The following PRELID2 variants were observed in gnomAD, a reference collection of about 807,000 sequenced individuals.
PRELID2 encodes PRELI domain containing 2.
In PRELID2, 25 loss-of-function variants were observed where a neutral mutation model predicts 28.4. The ratio of observed to expected loss-of-function variants is 0.88; its 90% confidence interval spans 0.64 to 1.23. The LOEUF (loss-of-function observed/expected upper bound fraction) is 1.23. Among genes scored for constraint, PRELID2 ranks in the 50% most tolerant of loss-of-function variants. The probability of loss-of-function intolerance (pLI) is 0.00; values close to 1 mark genes in which losing one functional copy is unlikely to be tolerated. For missense variants in PRELID2, 201 were observed against 214.4 expected, an observed-to-expected ratio of 0.94 and a Z score of 0.39; for synonymous variants, 76 against 71.6, an observed-to-expected ratio of 1.06 and a Z score of -0.31.
chr5:145,787,089 T>C (rs1364899864), intron 5 of PRELID2, among the ~76,000 whole-genome samples: 1 of 152,070 alleles, frequency 6.6e-6, no homozygotes, highest in African/African-American at 2.4e-5. Context: ...GTGGCTGAAA[T>C]AACAAATTAT....
chr5:145,515,946 T>C (rs1752511977), intron 1 of PRELID2, among the ~76,000 whole-genome samples: 1 of 152,116 alleles, frequency 6.6e-6, no homozygotes, highest in African/African-American at 2.4e-5. Context: ...AACAATTCTT[T>C]ATGCTAAAAA....
the PRELID2 span, among the ~76,000 whole-genome samples, chr5:145,232,166 A>G: frequency 6.6e-6 from 1 of 152,104 alleles, no homozygotes; most frequent in Non-Finnish European, 1.5e-5. Context: ...GCATTCCCAG[A>G]GTACAGAAAG....
At chr5:145,297,205 C>T in the PRELID2 span, among the ~76,000 whole-genome samples, 1 of 151,934 alleles carries the variant, frequency 6.6e-6, no homozygotes, top group Admixed American at 6.6e-5. Flanking sequence ...AATTAGATCC[C>T]ATTTGTCAAT....
intron 1 of PRELID2, among the ~76,000 whole-genome samples, chr5:145,709,266 G>A (rs1755626376): frequency 6.6e-6 from 1 of 152,130 alleles, no homozygotes; most frequent in South Asian, 2.1e-4. Flanking sequence ...ACCTCTCTTA[G>A]GAAGGGACCC....
At chr5:145,696,931 G>C (rs1050514233) in intron 1 of PRELID2, among the ~76,000 whole-genome samples, 1 of 150,214 alleles carries the variant, frequency 6.7e-6, no homozygotes, top group Non-Finnish European at 1.5e-5. Flanking sequence ...GGTAATAAAG[G>C]CTGGAAGAAG....
the PRELID2 span, among the ~76,000 whole-genome samples, chr5:145,416,155 G>C: frequency 6.6e-6 from 1 of 151,890 alleles, no homozygotes; most frequent in Non-Finnish European, 1.5e-5. Flanking sequence ...AAATTTGTTT[G>C]AGTTCATTGT....
the PRELID2 span, among the ~76,000 whole-genome samples, chr5:145,305,234 A>T: frequency 6.6e-6 from 1 of 152,200 alleles, no homozygotes. Context: ...AGTAGATATG[A>T]TAATGTAAAA....
At chr5:145,606,073 A>G (rs1041800034) in intron 1 of PRELID2, among the ~76,000 whole-genome samples, 2 of 151,916 alleles carry the variant, frequency 1.3e-5, no homozygotes, top group Non-Finnish European at 2.9e-5. Context: ...CAGCTTGGAC[A>G]TTGTTGATAT....
chr5:145,626,399 A>G (rs1167840435), intron 1 of PRELID2, among the ~76,000 whole-genome samples: 1 of 152,166 alleles, frequency 6.6e-6, no homozygotes, highest in Admixed American at 6.6e-5. Context: ...AAAGCATACC[A>G]GCAGCCAACA....
intron 1 of PRELID2, among the ~76,000 whole-genome samples, chr5:145,689,986 C>CTTTTT (rs749912789): frequency 1.7e-5 from 2 of 114,898 alleles, no homozygotes; most frequent in African/African-American, 6.6e-5. Flanking sequence ...CTGTGGGGGT[C>CTTTTT]TTTTTTTTTT....
At chr5:145,313,109 T>C in the PRELID2 span, among the ~76,000 whole-genome samples, 2 of 152,176 alleles carry the variant, frequency 1.3e-5, no homozygotes. Context: ...AAGCTCTCAA[T>C]AATTCTGATG....
chr5:145,276,728 G>A, the PRELID2 span, among the ~76,000 whole-genome samples: 2 of 152,058 alleles, frequency 1.3e-5, no homozygotes, highest in Admixed American at 1.3e-4. Flanking sequence ...TTTCATATCT[G>A]ACAGTATGGT....
At chr5:145,542,771 TTCTTTCTTTCTTTCTG>T (rs1254477623) in intron 1 of PRELID2, among the ~76,000 whole-genome samples, 3,240 of 147,862 alleles carry the variant, frequency 0.022, 89 homozygotes, top group African/African-American at 0.072. Flanking sequence ...CTTTCTTTCT[TTCTTTCTTTCTTTCTG>T]TCTTTTTCTC....
intron 1 of PRELID2, among the ~76,000 whole-genome samples, chr5:145,500,774 A>T (rs1183442681): frequency 6.6e-6 from 1 of 152,174 alleles, no homozygotes; most frequent in African/African-American, 2.4e-5. Context: ...TCCAAGAAGG[A>T]TGGCAACTAC....
intron 1 of PRELID2, among the ~76,000 whole-genome samples, chr5:145,488,484 A>G (rs751835350): frequency 1.3e-4 from 20 of 152,158 alleles, no homozygotes; most frequent in Non-Finnish European, 1.0e-4. Context: ...GGTTTCTGTC[A>G]CTTATAAACC....
chr5:145,808,898 G>GA (rs67381027), intron 4 of PRELID2, among the ~76,000 whole-genome samples: 206 of 148,848 alleles, frequency 1.4e-3, no homozygotes, highest in African/African-American at 3.8e-3. Flanking sequence ...AAAAGGAAAA[G>GA]AAAAAAAAAA....
At chr5:145,510,829 C>T (rs1752454707) in intron 1 of PRELID2, among the ~76,000 whole-genome samples, 2 of 152,176 alleles carry the variant, frequency 1.3e-5, no homozygotes, top group South Asian at 4.1e-4. Context: ...GTTGTAGCTG[C>T]CTTTTGCAAT....
chr5:145,803,518 C>T (rs1753284119), intron 4 of PRELID2, among the ~76,000 whole-genome samples: 3 of 152,070 alleles, frequency 2.0e-5, no homozygotes, highest in Admixed American at 2.0e-4. Context: ...CCTACCCACC[C>T]ACGTAGTAAG....
intron 1 of PRELID2, among the ~76,000 whole-genome samples, chr5:145,712,893 AT>A (rs1755733974): frequency 6.6e-6 from 1 of 152,240 alleles, no homozygotes; most frequent in East Asian, 1.9e-4. Context: ...AAAGTGAAAA[AT>A]ATCAGAGATG....
Sources: gnomAD v4.1 joint callset for allele counts (sites outside exome capture counted in the v4.1 genomes callset) on GRCh38, gnomAD v4.1.1 for gene constraint, MANE v1.5 for transcripts, NCBI Gene and HGNC (gene_info 2026-07-23, HGNC 2026-07-21) for gene names.